DLC1: variants seen among roughly 807,000 people sequenced by gnomAD.
DLC1 encodes the protein DLC1 Rho GTPase activating protein, also known as rho GTPase-activating protein 7.
Under a neutral mutation model 140.3 loss-of-function variants are expected in DLC1, and 54 were observed. The observed-to-expected ratio is 0.38, with a 90% CI of 0.31 to 0.48. The LOEUF is 0.48. DLC1 is among the 20% of genes least tolerant of loss of function. The probability of loss-of-function intolerance (pLI) is 0.96; values close to 1 mark genes in which losing one functional copy is unlikely to be tolerated. For synonymous variants in DLC1, 986 were observed against 728.1 expected, an observed-to-expected ratio of 1.35 and a Z score of -5.70; for missense variants, 2,536 against 1,907.0, an observed-to-expected ratio of 1.33 and a Z score of -6.14.
chr8:13,136,110 T>G (rs1822544126), intron 5 of DLC1, among the ~76,000 whole-genome samples: 1 of 152,220 alleles, frequency 6.6e-6, no homozygotes, highest in Non-Finnish European at 1.5e-5. Context: ...CTGCTACGCT[T>G]AAGAGAATGG....
At chr8:13,170,603 A>T (rs767166775) in intron 5 of DLC1, among the ~76,000 whole-genome samples, 26 of 151,830 alleles carry the variant, frequency 1.7e-4, no homozygotes, top group Non-Finnish European at 4.4e-5. Context: ...GGTGGCGGGC[A>T]CCTGTAGTCC....
At position 13,298,774 on chromosome 8, in the gene DLC1, C is replaced by T. The variant is rs144185731; in HGVS notation, c.1348+6495G>A. ...AACCTGTTAGGCACTATGCTCACTACTTGAGTGACGGGGAAAGCTGGACCC... is the reference window on the plus strand; with the variant it reads ...AACCTGTTAGGCACTATGCTCACTATTTGAGTGACGGGGAAAGCTGGACCC... On this transcript the variant is annotated intron_variant, in intron 5 of 17. Coordinates refer to ENST00000276297, the MANE Select transcript of DLC1 (RefSeq NM_182643.3). 2.5e-3 allele frequency among the ~76,000 whole-genome samples: 376 copies of T among 152,274 alleles called. 3 individuals carry two copies. The highest frequency in any genetic ancestry group is 8.8e-3 in the African/African-American group (365 of 41,558).
intron 2 of DLC1, among the ~76,000 whole-genome samples, chr8:13,490,233 T>G (rs113605507): frequency 0.022 from 3,329 of 152,328 alleles, 114 homozygotes; most frequent in African/African-American, 0.075. Flanking sequence ...GAAGTTTCAT[T>G]GGCTCAAAAA....
chr8:13,094,734 A>G, intron 12 of DLC1, 25 bp downstream of exon 12: 2 of 1,613,408 alleles, frequency 1.2e-6, no homozygotes, highest in Non-Finnish European at 1.7e-6. Context: ...CAATGCCAAC[A>G]ATCTTAAGAT....
intron 3 of DLC1, among the ~76,000 whole-genome samples, chr8:13,396,088 C>G (rs1292227912): frequency 8.0e-6 from 1 of 125,148 alleles, no homozygotes; most frequent in Non-Finnish European, 1.6e-5. Flanking sequence ...GAGACGGAGT[C>G]TCACTCTGTT....
chr8:13,337,812 T>A (rs1378856458), intron 4 of DLC1, among the ~76,000 whole-genome samples: 1 of 152,178 alleles, frequency 6.6e-6, no homozygotes, highest in East Asian at 1.9e-4. Flanking sequence ...TAATACCATA[T>A]TAACTAAATA....
intron 4 of DLC1, among the ~76,000 whole-genome samples, chr8:13,307,461 T>C (rs1241327219): frequency 6.6e-6 from 1 of 152,246 alleles, no homozygotes; most frequent in Non-Finnish European, 1.5e-5. Context: ...TTGTTTACTT[T>C]CTATGTGTCC....
chr8:13,094,785 G>A lies in DLC1; in HGVS notation c.3500C>T (p.Ser1167Leu), dbSNP rs1386825345. The A allele has an allele frequency of 3.7e-6, 6 of 1,614,194 alleles. No homozygotes were observed. Among genetic ancestry groups the A allele is most frequent in the South Asian group, 2.2e-5 (2 of 91,076 alleles). The change falls in exon 12 of 18, where the codon TCG becomes TTG. Residue 1167 changes from serine (S) to leucine (L), a missense_variant. Ser to Leu is a moderately radical substitution (Grantham distance 145). Coordinates refer to ENST00000276297, the MANE Select transcript of DLC1 (RefSeq NM_182643.3). ...LPEPLMTNKL[S>L]ETFLQIYQYV... ...TTGGTAGATCTGTAGAAAGGTTTCC[G>A]AGAGTTTGTTCGTCATTAGTGGCTC...
At chr8:13,544,539 A>T (rs1347255991) in intron 1 of DLC1, among the ~76,000 whole-genome samples, 1 of 152,144 alleles carries the variant, frequency 6.6e-6, no homozygotes, top group East Asian at 1.9e-4. Context: ...GAGAGATTAC[A>T]AAGAACAGAC....
chr8:13,085,852 T>G lies in DLC1; in HGVS notation c.4546A>C (p.Ser1516Arg). 1 of 1,614,198 alleles carries G rather than the reference T, an allele frequency of 6.2e-7. No individual in the cohort carries two copies. The highest frequency in any genetic ancestry group is 1.1e-5 in the South Asian group (1 of 91,084). Reference sequence around the variant, plus strand: ...TCTTTGGTTTCAGTGTTCTGGTTACTGAAGGAATCCCGGATCTTTACAACT... The same window carrying G: ...TCTTTGGTTTCAGTGTTCTGGTTACGGAAGGAATCCCGGATCTTTACAACT... ...AEVVKIRDSF[S>R]NQNTETKDTK... Residue 1516 changes from serine to arginine, a missense_variant, in exon 18 of 18, where the codon AGT becomes CGT. Transcript: ENST00000276297.
chr8:13,148,854 G>A (rs958619553), intron 5 of DLC1, among the ~76,000 whole-genome samples: 4 of 151,926 alleles, frequency 2.6e-5, no homozygotes, highest in Admixed American at 6.6e-5. Flanking sequence ...GTGCAGTGGC[G>A]CGATCTTGGC....
intron 5 of DLC1, among the ~76,000 whole-genome samples, chr8:13,137,805 C>G (rs1375311684): frequency 6.6e-6 from 1 of 151,828 alleles, no homozygotes; most frequent in Non-Finnish European, 1.5e-5. Flanking sequence ...ACCACATTGG[C>G]CAGACTGGTC....
chr8:13,099,496 T>G lies in DLC1; in HGVS notation c.2841A>C (p.Pro947=), dbSNP rs1818803593. The G allele has an allele frequency of 1.2e-6, 2 of 1,614,154 alleles. No homozygotes were observed. Among genetic ancestry groups the G allele is most frequent in the Non-Finnish European group, 1.7e-6 (2 of 1,180,036 alleles). The part of the protein sequence containing the change: ...LDSVSPCPSS[P]KQIHLDVDND... ...TGTCCACATCCAGGTGTATCTGTTT[T>G]GGAGAGGACGGGCAGGGAGAGACCG... Residue 947 remains proline (P), a synonymous_variant, in exon 9 of 18, where the codon CCA becomes CCC. Coordinates refer to ENST00000276297, the MANE Select transcript of DLC1 (RefSeq NM_182643.3).
chr8:13,264,114 G>C (rs1830587539), intron 5 of DLC1, among the ~76,000 whole-genome samples: 1 of 140,180 alleles, frequency 7.1e-6, no homozygotes, highest in Admixed American at 7.1e-5. Context: ...TGTCACCCAG[G>C]CTGGAGTGCA....
At position 13,269,232 on chromosome 8, in the gene DLC1, G is replaced by C. The variant is rs1302959015; in HGVS notation, c.1348+36037C>G. 2.0e-5 allele frequency among the ~76,000 whole-genome samples: 3 copies of C among 152,282 alleles called. No individual in the cohort carries two copies. The East Asian group carries it at 5.8e-4, about 29-fold the overall frequency. Reference sequence around the variant, plus strand: ...TTGGCTGTGCCTAAGAAGAGTAAAAGCAGTACTATAGTCGTGAGTTTGACA... The same window carrying C: ...TTGGCTGTGCCTAAGAAGAGTAAAACCAGTACTATAGTCGTGAGTTTGACA... On this transcript the variant is annotated intron_variant, in intron 5 of 17. Coordinates refer to ENST00000276297, the MANE Select transcript of DLC1 (RefSeq NM_182643.3).
At chr8:13,485,383 C>T (rs765736464) in intron 2 of DLC1, among the ~76,000 whole-genome samples, 3 of 152,178 alleles carry the variant, frequency 2.0e-5, no homozygotes, top group Non-Finnish European at 4.4e-5. Flanking sequence ...TTTGAACATG[C>T]ACTTCTTGTT....
chr8:13,206,319 CA>C (rs1325726220), intron 5 of DLC1, among the ~76,000 whole-genome samples: 1 of 151,988 alleles, frequency 6.6e-6, no homozygotes, highest in Non-Finnish European at 1.5e-5. Context: ...GTCGACATTG[CA>C]AAAGATCTGA....
chr8:13,568,105 G>T (rs1804520986), intron 1 of DLC1: 2 of 803,718 alleles, frequency 2.5e-6, no homozygotes, highest in East Asian at 2.8e-5. Context: ...CACTGTTGTA[G>T]TTGGAATAGT....
Position 13,523,700 on chromosome 8 carries a change from TG to T in DLC1, c.-125-23505del, listed in dbSNP as rs539889224. On this transcript the variant is annotated intron_variant, in intron 1 of 1. Coordinates refer to the DLC1 transcript ENST00000631382. ...AAAGGAACAAGTTCAAAGAATGATA[TG>T]GAAAAAATTAGCATGGTTTAGAAGA... 1.6e-4 allele frequency among the ~76,000 whole-genome samples: 25 copies of T among 152,160 alleles called. No individual in the cohort carries two copies. The East Asian group carries it at 4.8e-3, about 29-fold the overall frequency.
Sources: gnomAD v4.1 joint callset for allele counts (sites outside exome capture counted in the v4.1 genomes callset) on GRCh38, gnomAD v4.1.1 for gene constraint, MANE v1.5 for transcripts, NCBI Gene and HGNC (gene_info 2026-07-23, HGNC 2026-07-21) for gene names.